HCN3: variants seen among roughly 807,000 people sequenced by gnomAD.
HCN3 encodes hyperpolarization activated cyclic nucleotide gated potassium channel 3.
Under a neutral mutation model 56.8 loss-of-function variants are expected in HCN3, and 36 were observed. The observed-to-expected ratio is 0.63, with a 90% confidence interval of 0.49 to 0.84. HCN3 has a LOEUF of 0.84. HCN3 is among the 40% of genes least tolerant of loss of function. The pLI is 0.00. For synonymous variants in HCN3, 425 were observed against 439.7 expected, an observed-to-expected ratio of 0.97 and a Z score of 0.42; for missense variants, 930 against 1,079.3, an observed-to-expected ratio of 0.86 and a Z score of 1.94.
chr1:155,287,456 A>G, intron 7 of HCN3, 119 bp downstream of exon 7: 1 of 1,200,764 alleles, frequency 8.3e-7, no homozygotes, highest in Non-Finnish European at 1.2e-6. Context: ...AGTCCCAACA[A>G]ATGCTCCCTA....
intron 1 of HCN3, among the ~76,000 whole-genome samples, chr1:155,281,252 G>T (rs902343085): frequency 6.6e-6 from 1 of 150,542 alleles, no homozygotes; most frequent in Admixed American, 6.6e-5. Context: ...TATATTTTTC[G>T]TACAGACGGG....
intron 6 of HCN3, 54 bp from the exon 7 acceptor site, chr1:155,287,119 G>C (rs907867037): frequency 9.7e-5 from 154 of 1,595,852 alleles, no homozygotes; most frequent in Non-Finnish European, 1.6e-5. Context: ...GGCTCAGCAA[G>C]AGGAGTTCTG....
chr1:155,282,514 G>A lies in HCN3; in HGVS notation c.382G>A (p.Val128Ile), dbSNP rs765836236. ...FKEENSPPWI[V>I]FNVLSDTFFL... ...GGAGGAGAACTCCCCGCCTTGGATCGTCTTCAACGTATTGTCTGATACTTT... is the reference window on the plus strand; with the variant it reads ...GGAGGAGAACTCCCCGCCTTGGATCATCTTCAACGTATTGTCTGATACTTT... Residue 128 changes from valine (V) to isoleucine (I), a missense_variant, in exon 2 of 8, where the codon GTC becomes ATC. Val to Ile is a conservative substitution (Grantham distance 29). Transcript: ENST00000368358. The surrounding 1 kb of genome is among the most constrained non-coding windows in gnomAD (Gnocchi z 4.7). 19 of 1,614,114 alleles carry A rather than the reference G, an allele frequency of 1.2e-5. No individual in the cohort carries two copies. The highest frequency in any genetic ancestry group is 1.4e-5 in the Non-Finnish European group (16 of 1,180,054).
At position 155,288,679 on chromosome 1, in the gene HCN3, A is replaced by T. The variant is rs1381228579; in HGVS notation, c.*216A>T. The T allele has an allele frequency of 1.6e-6, 1 of 613,676 alleles. No individual in the cohort carries two copies. Among genetic ancestry groups the T allele is most frequent in the Non-Finnish European group, 2.8e-6 (1 of 363,320 alleles). 38.0% of individuals were successfully genotyped at this position (613,676 alleles called of 1,614,324 possible). A position where few individuals can be genotyped will look rare whatever the true frequency, so the allele number is the denominator to read the frequency against. On this transcript the variant is annotated 3_prime_UTR_variant, in exon 8 of 8. Coordinates refer to ENST00000368358, the MANE Select transcript of HCN3 (RefSeq NM_020897.3). This position sits in a 1 kb window ranked among gnomAD's most constrained non-coding sequence, Gnocchi z 6.5. ...ATCATAATCCATTCACCCGTTCATC[A>T]TGTGTACTGAGCAGCTACCATGTTC... is the stretch of plus-strand genomic sequence containing the variant.
intron 1 of HCN3, among the ~76,000 whole-genome samples, chr1:155,281,342 T>C (rs573851200): frequency 6.6e-6 from 1 of 152,070 alleles, no homozygotes; most frequent in African/African-American, 2.4e-5. Flanking sequence ...GTGCTGGGAT[T>C]ACAGGCGTGA....
At position 155,282,504 on chromosome 1, in the gene HCN3, G is replaced by A; in HGVS notation, c.372G>A (p.Pro124=). ...CCTTCTTCAAGGAGGAGAACTCCCC[G>A]CCTTGGATCGTCTTCAACGTATTGT... The part of the protein sequence containing the change: ...GITFFKEENS[P]PWIVFNVLSD... Residue 124 remains proline (P), a synonymous_variant, in exon 2 of 8, where the codon CCG becomes CCA. Coordinates refer to ENST00000368358, the MANE Select transcript of HCN3 (RefSeq NM_020897.3). This position sits in a 1 kb window ranked among gnomAD's most constrained non-coding sequence, Gnocchi z 4.7. 1 of 1,614,228 alleles carries A rather than the reference G, an allele frequency of 6.2e-7. No individual in the cohort carries two copies. The highest frequency in any genetic ancestry group is 8.5e-7 in the Non-Finnish European group (1 of 1,180,032).
chr1:155,285,016 TC>T lies in HCN3; in HGVS notation c.1090-148del. 1.1e-6 allele frequency: 1 copy of T among 928,892 alleles called. No individual in the cohort carries two copies. The highest frequency in any genetic ancestry group is 1.6e-5 in the South Asian group (1 of 61,664). 57.5% of individuals were successfully genotyped at this position (928,892 alleles called of 1,614,324 possible). A position where few individuals can be genotyped will look rare whatever the true frequency, so the allele number is the denominator to read the frequency against. ...CGGTATCCATCATTATCCGTATTCCTCTGTGGCCCTGTGTATCCATGTCTGG... is the reference window on the plus strand; with the variant it reads ...CGGTATCCATCATTATCCGTATTCCTTGTGGCCCTGTGTATCCATGTCTGG... On this transcript the variant is annotated intron_variant, in intron 4 of 7. Coordinates refer to ENST00000368358, the MANE Select transcript of HCN3 (RefSeq NM_020897.3). The surrounding 1 kb of genome is among the most constrained non-coding windows in gnomAD (Gnocchi z 4.5).
intron 1 of HCN3, among the ~76,000 whole-genome samples, chr1:155,281,031 G>T (rs1210594562): frequency 6.6e-6 from 1 of 150,940 alleles, no homozygotes; most frequent in Non-Finnish European, 1.5e-5. Flanking sequence ...TGGGATTACA[G>T]ATATGAGCCA....
In HCN3 at chr1:155,284,345, G is replaced by A; in HGVS notation, c.871-194G>A. The A allele has an allele frequency of 1.2e-6, 1 of 829,534 alleles. No homozygotes were observed. Among genetic ancestry groups the A allele is most frequent in the Non-Finnish European group, 1.8e-6 (1 of 546,178 alleles). The allele number at this position is 829,534 out of a possible 1,614,324, so 51.4% of individuals were successfully genotyped here. A position where few individuals can be genotyped will look rare whatever the true frequency, so the allele number is the denominator to read the frequency against. ...CAGGCAAAGGAAGGGTACCTACCCG[G>A]AAGCTGAGGCCCCCAAGTTGCAATA... is the stretch of plus-strand genomic sequence containing the variant. On this transcript the variant is annotated intron_variant, in intron 3 of 7. Transcript: ENST00000368358. The surrounding 1 kb of genome is among the most constrained non-coding windows in gnomAD (Gnocchi z 4.3).
Position 155,284,727 on chromosome 1 carries a change from G to A in HCN3, c.1059G>A (p.Leu353=), listed in dbSNP as rs765521955. The change falls in exon 4 of 8, where the codon CTG becomes CTA. Residue 353 remains leucine, a synonymous_variant. Coordinates refer to ENST00000368358, the MANE Select transcript of HCN3 (RefSeq NM_020897.3). This position sits in a 1 kb window ranked among gnomAD's most constrained non-coding sequence, Gnocchi z 4.3. ...IGHATALIQS[L]DSSRRQYQEK... ...ATGCCACGGCACTCATCCAGTCCCT[G>A]GACTCTTCCCGGCGTCAGTACCAGG... The A allele has an allele frequency of 1.2e-6, 2 of 1,614,132 alleles. No homozygotes were observed. The highest frequency in any genetic ancestry group is 2.2e-5 in the South Asian group (2 of 91,078).
At position 155,285,784 on chromosome 1, in the gene HCN3, G is replaced by A. The variant is rs1447982118; in HGVS notation, c.1297G>A (p.Asp433Asn). The A allele has an allele frequency of 6.8e-6, 11 of 1,614,112 alleles. No individual in the cohort carries two copies. The East Asian group carries it at 1.1e-4, about 16-fold the overall frequency. The change falls in exon 6 of 8, where the codon GAC becomes AAC. Residue 433 changes from aspartate to asparagine, a missense_variant. Asp to Asn is a conservative substitution (Grantham distance 23, BLOSUM62 1). Coordinates refer to ENST00000368358, the MANE Select transcript of HCN3 (RefSeq NM_020897.3). This position sits in a 1 kb window ranked among gnomAD's most constrained non-coding sequence, Gnocchi z 4.5. ...CCACATGCCGCTGTTTGCCCATGCC[G>A]ACCCCAGCTTCGTCACTGCAGTTCT... ...VAHMPLFAHADPSFVTAVLTK... is the reference protein window; with the variant it reads ...VAHMPLFAHANPSFVTAVLTK...
chr1:155,282,324 T>C lies in HCN3; in HGVS notation c.279-87T>C. 8 of 1,281,680 alleles carry C rather than the reference T, an allele frequency of 6.2e-6. No individual in the cohort carries two copies. Among genetic ancestry groups the C allele is most frequent in the Non-Finnish European group, 6.7e-6 (6 of 896,860 alleles). The allele number at this position is 1,281,680 out of a possible 1,614,324, so 79.4% of individuals were successfully genotyped here. A position where few individuals can be genotyped will look rare whatever the true frequency, so the allele number is the denominator to read the frequency against. On this transcript the variant is annotated intron_variant, in intron 1 of 7. Coordinates refer to ENST00000368358, the MANE Select transcript of HCN3 (RefSeq NM_020897.3). The surrounding 1 kb of genome is among the most constrained non-coding windows in gnomAD (Gnocchi z 4.7). ...TCTGTTATTGTGTATCTTTGCCCAT[T>C]CTTGGCCATGTCAGCCTATCTTCTG...
intron 7 of HCN3, among the ~76,000 whole-genome samples, 175 bp downstream of exon 7, chr1:155,287,512 G>A (rs1674336258): frequency 6.6e-6 from 1 of 152,042 alleles, no homozygotes; most frequent in African/African-American, 2.4e-5. Context: ...CCCTCAGCAT[G>A]TCCTTCCCAG....
chr1:155,287,552 T>G lies in HCN3; in HGVS notation c.1642+215T>G, dbSNP rs55702293. ...GATAGCATCCCAAGCCCCCATGTCC[T>G]GAGTCCTCCTTCCCCTGAGTACCAG... On this transcript the variant is annotated intron_variant, in intron 7 of 7. Transcript: ENST00000368358. Among the ~76,000 whole-genome samples the G allele has an allele frequency of 8.2e-3, 1,249 of 152,112 alleles. 11 individuals are homozygous for G. Among genetic ancestry groups the G allele is most frequent in the Non-Finnish European group, 0.013 (863 of 67,966 alleles).
chr1:155,289,830 T>G lies in HCN3; in HGVS notation c.*1367T>G, dbSNP rs980602610. ...TTGCTTCCAAACAGCTGGGTTTAAA[T>G]ATAAAATAGACACACTCATTTTTGG... On this transcript the variant is annotated 3_prime_UTR_variant, in exon 8 of 8. Coordinates refer to ENST00000368358, the MANE Select transcript of HCN3 (RefSeq NM_020897.3). The G allele has an allele frequency of 1.3e-5, 2 of 152,328 alleles. No homozygotes were observed. The highest frequency in any genetic ancestry group is 4.8e-5 in the African/African-American group (2 of 41,394). The allele number at this position is 152,328 out of a possible 1,614,324, so 9.4% of individuals were successfully genotyped here.
intron 7 of HCN3, 103 bp downstream of exon 7, chr1:155,287,440 C>A: frequency 7.5e-7 from 1 of 1,335,116 alleles, no homozygotes. Context: ...ATATCCCAAT[C>A]CATTCAGTCC....
chr1:155,280,475 C>T (rs1242657208), intron 1 of HCN3, among the ~76,000 whole-genome samples: 1 of 148,096 alleles, frequency 6.8e-6, no homozygotes, highest in East Asian at 2.0e-4. Flanking sequence ...CTCGCTCTGT[C>T]GCCCAGGCTG....
In HCN3 at chr1:155,288,201, G is replaced by A. The variant is rs759264618; in HGVS notation, c.2063G>A (p.Arg688His). Residue 688 changes from arginine (R) to histidine (H), a missense_variant, in exon 8 of 8, where the codon CGC becomes CAC. Physicochemically the swap from Arg to His is conservative, Grantham distance 29. Coordinates refer to ENST00000368358, the MANE Select transcript of HCN3 (RefSeq NM_020897.3). The surrounding 1 kb of genome is among the most constrained non-coding windows in gnomAD (Gnocchi z 6.5). ...TLHASLSRAG[R>H]SQVSLLGPPP... is the part of the protein sequence containing the mutation. Reference sequence around the variant, plus strand: ...CACGCCAGCCTATCCCGGGCAGGGCGCTCCCAGGTCTCCCTGCTGGGTCCC... The same window carrying A: ...CACGCCAGCCTATCCCGGGCAGGGCACTCCCAGGTCTCCCTGCTGGGTCCC... The A allele has an allele frequency of 8.9e-6, 14 of 1,574,416 alleles. No individual in the cohort carries two copies. The highest frequency in any genetic ancestry group is 1.4e-5 in the African/African-American group (1 of 73,958).
chr1:155,281,363 C>T (rs1199120122), intron 1 of HCN3, among the ~76,000 whole-genome samples: 1 of 150,134 alleles, frequency 6.7e-6, no homozygotes, highest in Non-Finnish European at 1.5e-5. Context: ...GCCACCACAC[C>T]TGGCCTTCTT....
Sources: allele counts gnomAD v4.1 joint callset (sites outside exome capture counted in the v4.1 genomes callset), GRCh38; gene constraint gnomAD v4.1.1; non-coding constraint Gnocchi (gnomAD v3.1); transcripts MANE v1.5; gene names NCBI Gene and HGNC (gene_info 2026-07-23, HGNC 2026-07-21).